The following CLEC16A variants were observed in gnomAD, a reference collection of about 807,000 sequenced individuals.
CLEC16A encodes C-type lectin domain containing 16A, also known as protein CLEC16A.
In CLEC16A, 51 loss-of-function variants were observed where a neutral mutation model predicts 109.5. That is an observed-to-expected ratio of 0.47 (90% CI 0.37 to 0.59). The LOEUF is 0.59. Ranked by LOEUF, CLEC16A falls within the 20% of genes least tolerant of loss-of-function variation. The pLI is 0.00. For synonymous variants in CLEC16A, 673 were observed against 564.2 expected (o/e 1.19, Z -2.73); for missense variants, 1,339 against 1,394.0 (o/e 0.96, Z 0.63).
In CLEC16A at chr16:11,178,356, TG is replaced by T; in HGVS notation, c.2829del (p.Pro944LeufsTer10). On this transcript the variant is annotated frameshift_variant, in exon 24 of 24. Transcript: ENST00000409790. LOFTEE classifies it low-confidence loss of function (END_TRUNC). This position sits in a 1 kb window ranked among gnomAD's most constrained non-coding sequence, Gnocchi z 6.5. The stretch of plus-strand genomic sequence containing the variant: ...CCAGATGCCCCCATGAGTCCAGAAC[TG>T]CCTAAGCCTCACCTTCCTGACCAGT... ...SPADAPMSPE[L>X]PKPHLPDQLV... The T allele has an allele frequency of 6.2e-7, 1 of 1,612,106 alleles. No homozygotes were observed. Among genetic ancestry groups the T allele is most frequent in the South Asian group, 1.1e-5 (1 of 90,994 alleles).
At chr16:11,105,938 C>G (rs934399454) in intron 19 of CLEC16A, among the ~76,000 whole-genome samples, 1 of 152,206 alleles carries the variant, frequency 6.6e-6, no homozygotes, top group Admixed American at 6.5e-5. Flanking sequence ...TTAAGAGATT[C>G]TGGAAAGAGT....
chr16:11,110,056 C>A lies in CLEC16A; in HGVS notation c.2117-10559C>A, dbSNP rs115897131. On this transcript the variant is annotated intron_variant, in intron 19 of 23. Coordinates refer to ENST00000409790, the MANE Select transcript of CLEC16A (RefSeq NM_015226.3). ...TAAAATACAGCAAAAGTCAGTCAGCCCCATTTATCGCTCAGTAATGGGCTA... is the reference window on the plus strand; with the variant it reads ...TAAAATACAGCAAAAGTCAGTCAGCACCATTTATCGCTCAGTAATGGGCTA... Among the ~76,000 whole-genome samples, 1,151 of 152,252 alleles carry A rather than the reference C, an allele frequency of 7.6e-3. 20 individuals are homozygous for A. The highest frequency in any genetic ancestry group is 0.026 in the African/African-American group (1,097 of 41,538).
intron 23 of CLEC16A, among the ~76,000 whole-genome samples, chr16:11,173,794 G>A (rs2068625637): frequency 6.6e-6 from 1 of 152,142 alleles, no homozygotes; most frequent in Non-Finnish European, 1.5e-5. Flanking sequence ...AGGTGATTCT[G>A]TTCTTCCGTC....
rs1210697744 is a variant in CLEC16A at position 11,166,496 on chromosome 16, G to A, written c.2750G>A (p.Cys917Tyr). ...AGCGGCAGCGGGAGCACCAGCCACT[G>A]CGACTCTGGAGGCACCAGCTCGTCC... ...SPSGSGSTSHCDSGGTSSSST... is the reference protein window; with the variant it reads ...SPSGSGSTSHYDSGGTSSSST... The change falls in exon 23 of 24, where the codon TGC becomes TAC. Residue 917 changes from cysteine to tyrosine, a missense_variant. By Grantham distance (194) the Cys-to-Tyr change is radical (BLOSUM62 -2). This residue lies in a region of CLEC16A where 1,061 missense variants were observed against 1,006.8 expected (regional missense o/e 1.05). Coordinates refer to ENST00000409790, the MANE Select transcript of CLEC16A (RefSeq NM_015226.3). The A allele has an allele frequency of 1.2e-6, 2 of 1,609,646 alleles. No homozygotes were observed. Among genetic ancestry groups the A allele is most frequent in the South Asian group, 2.2e-5 (2 of 90,962 alleles).
intron 11 of CLEC16A, among the ~76,000 whole-genome samples, chr16:11,008,876 G>A (rs1252924323): frequency 6.6e-6 from 1 of 150,392 alleles, no homozygotes; most frequent in African/African-American, 2.5e-5. Flanking sequence ...GCGGGCACCT[G>A]TAGTCCCAGC....
intron 22 of CLEC16A, among the ~76,000 whole-genome samples, chr16:11,141,078 G>A (rs1349085987): frequency 6.6e-6 from 1 of 152,242 alleles, no homozygotes; most frequent in African/African-American, 2.4e-5. Context: ...GCAAGCTCAG[G>A]GGTGGCAAGC....
chr16:11,099,851 CCT>C (rs951041753), intron 19 of CLEC16A, among the ~76,000 whole-genome samples: 3 of 152,166 alleles, frequency 2.0e-5, no homozygotes, highest in Non-Finnish European at 2.9e-5. Flanking sequence ...TGTTTTCACC[CCT>C]GTTTACAGAT....
At chr16:11,127,985 TAAA>T (rs1449424507) in intron 22 of CLEC16A, among the ~76,000 whole-genome samples, 1 of 152,200 alleles carries the variant, frequency 6.6e-6, no homozygotes, top group Non-Finnish European at 1.5e-5. Flanking sequence ...ATTCTTTGCT[TAAA>T]AAATTCTGCA....
intron 1 of CLEC16A, among the ~76,000 whole-genome samples, chr16:10,947,756 C>G (rs1305617822): frequency 1.3e-5 from 2 of 152,118 alleles, no homozygotes; most frequent in Non-Finnish European, 2.9e-5. Context: ...GGTCACCCTA[C>G]CAGTGACAAG....
At chr16:11,003,606 A>G (rs934030637) in intron 11 of CLEC16A, among the ~76,000 whole-genome samples, 1 of 152,216 alleles carries the variant, frequency 6.6e-6, no homozygotes, top group East Asian at 1.9e-4. Flanking sequence ...TAGTGTTCAT[A>G]CAAGAATTAA....
intron 3 of CLEC16A, among the ~76,000 whole-genome samples, chr16:10,966,718 G>A (rs531824924): frequency 5.3e-4 from 81 of 152,210 alleles, no homozygotes; most frequent in African/African-American, 1.9e-3. Context: ...CTCAGCAAAG[G>A]GGGAAGCCCC....
At chr16:11,082,941 G>T (rs1181148136) in intron 19 of CLEC16A, among the ~76,000 whole-genome samples, 5 of 152,080 alleles carry the variant, frequency 3.3e-5, no homozygotes, top group Non-Finnish European at 5.9e-5. Flanking sequence ...TAAGTTTAAG[G>T]TTGCAGCTCT....
intron 19 of CLEC16A, among the ~76,000 whole-genome samples, chr16:11,114,292 A>T (rs1033376300): frequency 2.0e-5 from 3 of 151,986 alleles, no homozygotes; most frequent in African/African-American, 7.3e-5. Flanking sequence ...GGGATAATTG[A>T]TCTGATCATT....
chr16:11,118,041 C>T (rs2052132826), intron 19 of CLEC16A, among the ~76,000 whole-genome samples: 1 of 152,104 alleles, frequency 6.6e-6, no homozygotes, highest in Non-Finnish European at 1.5e-5. Context: ...GTGGTACACT[C>T]ATGGCTCACT....
chr16:11,027,415 T>C, intron 13 of CLEC16A: 1 of 1,458,256 alleles, frequency 6.9e-7, no homozygotes, highest in Non-Finnish European at 9.5e-7. Context: ...CTACAAATGC[T>C]GCGTATAGTG....
intron 3 of CLEC16A, among the ~76,000 whole-genome samples, chr16:10,966,734 A>G (rs1389973621): frequency 6.6e-6 from 1 of 152,178 alleles, no homozygotes; most frequent in Non-Finnish European, 1.5e-5. Flanking sequence ...GCCCCTTACA[A>G]AACCATCACA....
At chr16:11,165,473 C>T (rs914463900) in intron 22 of CLEC16A, among the ~76,000 whole-genome samples, 1 of 152,158 alleles carries the variant, frequency 6.6e-6, no homozygotes, top group Non-Finnish European at 1.5e-5. Context: ...GGCTGGGCAA[C>T]AGAGTGAAAC....
chr16:11,056,568 A>T (rs2048224195), intron 18 of CLEC16A: 1 of 152,160 alleles, frequency 6.6e-6, no homozygotes, highest in Admixed American at 6.5e-5. Context: ...GTTATGAAAC[A>T]CCCATATTTG....
In CLEC16A at chr16:11,030,398, G is replaced by C. The variant is rs915969046; in HGVS notation, c.1537+5477G>C. ...TTTATATCCCATCACCAGTGTACAA[G>C]AGTTCTAGTTCCTTTACCTCCTTTC... On this transcript the variant is annotated intron_variant, in intron 13 of 23. Coordinates refer to ENST00000409790, the MANE Select transcript of CLEC16A (RefSeq NM_015226.3). 2.0e-5 allele frequency among the ~76,000 whole-genome samples: 3 copies of C among 152,302 alleles called. No homozygotes were observed. In the East Asian group the frequency reaches 5.8e-4, roughly 29 times the overall value.
Sources: gnomAD v4.1 joint callset for allele counts (sites outside exome capture counted in the v4.1 genomes callset) on GRCh38, gnomAD v4.1.1 for gene constraint, gnomAD v4.1.1 regional missense constraint, Gnocchi (gnomAD v3.1) non-coding constraint, MANE v1.5 for transcripts, NCBI Gene and HGNC (gene_info 2026-07-23, HGNC 2026-07-21) for gene names.